Variants in CNGB1 observed in about 807,000 individuals in gnomAD.
CNGB1 encodes cyclic nucleotide gated channel subunit beta 1.
Under a neutral mutation model 151.7 loss-of-function variants are expected in CNGB1, and 126 were observed. That is an observed-to-expected ratio of 0.83 (90% CI 0.72 to 0.96). The LOEUF (loss-of-function observed/expected upper bound fraction) is 0.96. Among genes scored for constraint, CNGB1 ranks in the 40% least tolerant of loss-of-function variants. The pLI, the probability that CNGB1 is intolerant of heterozygous loss-of-function variation, is 0.00. For missense variants in CNGB1, 1,698 were observed against 1,627.0 expected (o/e 1.04, Z -0.75); for synonymous variants, 623 against 635.1 (o/e 0.98, Z 0.29).
In CNGB1 at chr16:57,925,196, T is replaced by A. The variant is rs189883356; in HGVS notation, c.1536-1816A>T. Reference sequence around the variant, plus strand: ...TTTTTTTTTTTTAGTAGAGATGGAGTTTCACCATGTTGGCCAGGCTAGTCT... The same window carrying A: ...TTTTTTTTTTTTAGTAGAGATGGAGATTCACCATGTTGGCCAGGCTAGTCT... On this transcript the variant is annotated intron_variant, in intron 17 of 32. Transcript: ENST00000251102. 2.4e-3 allele frequency among the ~76,000 whole-genome samples: 364 copies of A among 151,518 alleles called. 4 individuals carry two copies. Among genetic ancestry groups the A allele is most frequent in the East Asian group, 0.022 (113 of 5,130 alleles).
intron 29 of CNGB1, among the ~76,000 whole-genome samples, chr16:57,899,594 A>C (rs1325874089): frequency 6.6e-6 from 1 of 152,110 alleles, no homozygotes; most frequent in East Asian, 1.9e-4. Flanking sequence ...GAGCCGAGAT[A>C]GTGCCACTGC....
At chr16:57,887,803 T>A in intron 32 of CNGB1, 52 bp downstream of exon 32, 1 of 1,576,702 alleles carries the variant, frequency 6.3e-7, no homozygotes, top group South Asian at 1.1e-5. Flanking sequence ...CTTGGCCTTC[T>A]CCCTGACACA....
At chr16:57,896,287 C>T (rs1227031019) in intron 31 of CNGB1, among the ~76,000 whole-genome samples, 1 of 152,216 alleles carries the variant, frequency 6.6e-6, no homozygotes, top group African/African-American at 2.4e-5. Flanking sequence ...GAGTAAATGG[C>T]ATCGTGCGCC....
chr16:57,891,694 T>A (rs1960095239), intron 31 of CNGB1, among the ~76,000 whole-genome samples: 1 of 152,012 alleles, frequency 6.6e-6, no homozygotes, highest in African/African-American at 2.4e-5. Context: ...GTAGCTGGGA[T>A]GATAGGTGCC....
intron 13 of CNGB1, 29 bp from the exon 14 acceptor site, chr16:57,949,468 G>A (rs1423817531): frequency 3.7e-6 from 6 of 1,612,832 alleles, no homozygotes; most frequent in Non-Finnish European, 4.2e-6. Flanking sequence ...CAGGAGGTGA[G>A]CCCACCCGAA....
At chr16:57,944,991 A>G (rs1230809941) in intron 14 of CNGB1, among the ~76,000 whole-genome samples, 1 of 151,674 alleles carries the variant, frequency 6.6e-6, no homozygotes, top group African/African-American at 2.4e-5. Flanking sequence ...AGAAAAAATA[A>G]TTAACTTTTT....
At chr16:57,959,761 C>T in intron 10 of CNGB1, 127 bp downstream of exon 10, 2 of 1,194,658 alleles carry the variant, frequency 1.7e-6, no homozygotes, top group Non-Finnish European at 2.2e-6. Context: ...GATGTGGCTG[C>T]CTTGGGAAGG....
chr16:57,917,231 C>T, intron 21 of CNGB1, 37 bp downstream of exon 21: 1 of 1,569,444 alleles, frequency 6.4e-7, no homozygotes, highest in Non-Finnish European at 8.7e-7. Context: ...GAGCGGTCTG[C>T]CCCCGGTCAC....
intron 20 of CNGB1, 112 bp downstream of exon 20, chr16:57,918,987 G>A: frequency 1.3e-6 from 2 of 1,561,314 alleles, no homozygotes; most frequent in South Asian, 2.3e-5. Flanking sequence ...AACCCAGGTT[G>A]TCTGTGGCCT....
chr16:57,905,672 G>A (rs1325140957), intron 25 of CNGB1, among the ~76,000 whole-genome samples: 1 of 152,276 alleles, frequency 6.6e-6, no homozygotes, highest in Non-Finnish European at 1.5e-5. Flanking sequence ...CGAGGGCTTT[G>A]CCCTCATGAA....
At chr16:57,905,039 G>A (rs567836190) in intron 25 of CNGB1, among the ~76,000 whole-genome samples, 164 bp from the exon 26 acceptor site, 12 of 152,242 alleles carry the variant, frequency 7.9e-5, no homozygotes, top group South Asian at 2.1e-4. Context: ...TGTAGAGCAC[G>A]TTGCCGTTTG....
chr16:57,932,672 C>A (rs1185560924), intron 16 of CNGB1, among the ~76,000 whole-genome samples: 1 of 149,774 alleles, frequency 6.7e-6, no homozygotes, highest in African/African-American at 2.5e-5. Context: ...CTCCGCCTCC[C>A]AGGGTTCATG....
At chr16:57,955,721 A>C (rs1417705393) in intron 12 of CNGB1, among the ~76,000 whole-genome samples, 1 of 152,142 alleles carries the variant, frequency 6.6e-6, no homozygotes, top group African/African-American at 2.4e-5. Context: ...ACACACACAG[A>C]CACAGAGGTA....
At chr16:57,890,883 C>T (rs2149352987) in intron 31 of CNGB1, among the ~76,000 whole-genome samples, 1 of 152,356 alleles carries the variant, frequency 6.6e-6, no homozygotes, top group East Asian at 1.9e-4. Context: ...ACTCTGATGA[C>T]TCATGGCTGA....
intron 16 of CNGB1, among the ~76,000 whole-genome samples, chr16:57,932,700 C>T (rs1275479635): frequency 6.6e-6 from 1 of 151,486 alleles, no homozygotes; most frequent in Non-Finnish European, 1.5e-5. Context: ...CCTGCCTCAG[C>T]CTCCCAATTA....
intron 29 of CNGB1, among the ~76,000 whole-genome samples, chr16:57,898,477 A>G (rs1489989380): frequency 5.3e-5 from 8 of 152,068 alleles, no homozygotes; most frequent in African/African-American, 1.9e-4. Flanking sequence ...TCCTGGGTTC[A>G]AGCAATTCTT....
In CNGB1 at chr16:57,922,880, T is replaced by A. The variant is rs1249022038; in HGVS notation, c.1643+393A>T. On this transcript the variant is annotated intron_variant, in intron 18 of 32. Transcript: ENST00000251102. ...CAGGGAATCTTTTTTTTTTTTCTTT[T>A]TTCACAAACTCCCCAGGGCAGAACC... 2.2e-4 allele frequency among the ~76,000 whole-genome samples: 34 copies of A among 151,966 alleles called. 2 individuals are homozygous for A. The highest frequency in any genetic ancestry group is 2.2e-3 in the Admixed American group (34 of 15,268).
chr16:57,937,987 C>T (rs1961557523), intron 16 of CNGB1, among the ~76,000 whole-genome samples: 1 of 152,224 alleles, frequency 6.6e-6, no homozygotes, highest in African/African-American at 2.4e-5. Flanking sequence ...CACAAATGTG[C>T]AGACAAATCA....
intron 17 of CNGB1, among the ~76,000 whole-genome samples, chr16:57,924,408 G>T (rs1003894778): frequency 2.0e-5 from 3 of 152,102 alleles, no homozygotes; most frequent in Non-Finnish European, 4.4e-5. Context: ...GGAGGACTCC[G>T]CCCAGGCCAA....
Sources: gnomAD v4.1 joint callset for allele counts (sites outside exome capture counted in the v4.1 genomes callset) on GRCh38, gnomAD v4.1.1 for gene constraint, MANE v1.5 for transcripts, NCBI Gene and HGNC (gene_info 2026-07-23, HGNC 2026-07-21) for gene names.